Variants in ABCA1 observed in about 807,000 individuals in gnomAD.
ABCA1 encodes phospholipid-transporting ATPase ABCA1.
Under a neutral mutation model 262.5 loss-of-function variants are expected in ABCA1, and 133 were observed. That is an observed-to-expected ratio of 0.51 (90% confidence interval 0.44 to 0.59). ABCA1 has a LOEUF of 0.59. Ranked by LOEUF, ABCA1 falls within the 20% of genes least tolerant of loss-of-function variation. The pLI is 0.00. For missense variants in ABCA1, 2,452 were observed against 2,777.5 expected (o/e 0.88, Z 2.63); for synonymous variants, 1,022 against 1,043.5 (o/e 0.98, Z 0.40).
chr9:104,891,741 G>A (rs562703321), intron 2 of ABCA1, among the ~76,000 whole-genome samples: 50 of 151,346 alleles, frequency 3.3e-4, no homozygotes, highest in Admixed American at 2.6e-3. Flanking sequence ...CAAGGCAGGC[G>A]GATCACCTGA....
At chr9:104,822,427 T>G in intron 19 of ABCA1, 69 bp downstream of exon 19, 1 of 1,593,312 alleles carries the variant, frequency 6.3e-7, no homozygotes, top group Non-Finnish European at 8.6e-7. Flanking sequence ...TTTCCTAAGG[T>G]ATAAATTTCT....
chr9:104,885,451 C>A (rs1025417754), intron 3 of ABCA1, among the ~76,000 whole-genome samples: 2 of 151,392 alleles, frequency 1.3e-5, no homozygotes, highest in Non-Finnish European at 2.9e-5. Context: ...CCTCTGCCAG[C>A]TACAAAGCTC....
rs369299368 is a variant in ABCA1, at chr9:104,821,470, G to A, written c.2865C>T (p.Gly955=). The A allele has an allele frequency of 9.3e-6, 15 of 1,613,982 alleles. No individual in the cohort carries two copies. The African/African-American group carries it at 1.6e-4, about 17-fold the overall frequency. ...TGTCTTTTCCCAGGATGTAGGCGGT[G>A]CCCGAGGTCGGGGGGAACAACCCGG... The part of the protein sequence containing the change: ...ILTGLFPPTS[G]TAYILGKDIR... Residue 955 remains glycine (G), a synonymous_variant, in exon 20 of 50, where the codon GGC becomes GGT. Transcript: ENST00000374736.
At chr9:104,862,402 C>T in intron 5 of ABCA1, among the ~76,000 whole-genome samples, 1 of 94,828 alleles carries the variant, frequency 1.1e-5, no homozygotes, top group Non-Finnish European at 1.9e-5. Context: ...AGCCACCATG[C>T]CCGGTCTTTC....
At chr9:104,796,957 TTA>T (rs767474338) in intron 37 of ABCA1, among the ~76,000 whole-genome samples, 52 of 152,306 alleles carry the variant, frequency 3.4e-4, no homozygotes, top group Non-Finnish European at 6.5e-4. Flanking sequence ...GATAGGACAA[TTA>T]TGAGAATTCA....
chr9:104,800,431 A>C (rs1308202857), intron 35 of ABCA1, 79 bp downstream of exon 35: 33 of 1,386,544 alleles, frequency 2.4e-5, no homozygotes, highest in Non-Finnish European at 2.5e-5. Flanking sequence ...TGCCAACTTT[A>C]CCATGAGTTG....
chr9:104,891,766 G>A (rs1839765285), intron 2 of ABCA1, among the ~76,000 whole-genome samples: 1 of 151,172 alleles, frequency 6.6e-6, no homozygotes, highest in South Asian at 2.1e-4. Flanking sequence ...AGGAGTTTGA[G>A]ACCAGCCTGG....
At chr9:104,892,815 A>C (rs917732121) in intron 2 of ABCA1, among the ~76,000 whole-genome samples, 1 of 152,254 alleles carries the variant, frequency 6.6e-6, no homozygotes, top group African/African-American at 2.4e-5. Flanking sequence ...AACTTAAGAT[A>C]TCAAAAAGCT....
chr9:104,802,123 TTGAG>T lies in ABCA1; in HGVS notation c.4625_4628del (p.Thr1542LysfsTer16). ...TAACTTCTTGACTCGGAGGAAGTGC[TTGAG>T]TATTACTGACACCCAGGGAAAAGCC... On this transcript the variant is annotated frameshift_variant, in exon 34 of 50. Transcript: ENST00000374736. LOFTEE classifies it high-confidence loss of function. 3 of 1,614,212 alleles carry T rather than the reference TTGAG, an allele frequency of 1.9e-6. No homozygotes were observed. Among genetic ancestry groups the T allele is most frequent in the Non-Finnish European group, 2.5e-6 (3 of 1,180,038 alleles).
chr9:104,816,426 A>G, intron 24 of ABCA1, 81 bp from the exon 25 acceptor site: 2 of 1,333,420 alleles, frequency 1.5e-6, no homozygotes, highest in Non-Finnish European at 2.2e-6. Flanking sequence ...CCACCCTCTC[A>G]TCAGAGGCCT....
At chr9:104,795,869 A>C (rs140439348) in intron 39 of ABCA1, among the ~76,000 whole-genome samples, 184 bp downstream of exon 39, 35 of 152,328 alleles carry the variant, frequency 2.3e-4, no homozygotes, top group African/African-American at 8.4e-4. Context: ...TGACCAGCAA[A>C]ATGTAAGGCA....
chr9:104,814,949 C>T (rs1831609764), intron 25 of ABCA1, among the ~76,000 whole-genome samples: 1 of 152,000 alleles, frequency 6.6e-6, no homozygotes, highest in Non-Finnish European at 1.5e-5. Context: ...GAGCCAAAAT[C>T]GCACCACTGC....
Position 104,858,691 on chromosome 9 carries a change from A to C in ABCA1, c.551T>G (p.Leu184Trp), listed in dbSNP as rs141420090. ...RADVILHKVF[L>W]QGYQLHLTSL... ...TGTCAAATGTAACTGGTAGCCTTGC[A>C]AAAATACCTGGAAGCATTTCATGCA... The change falls in exon 7 of 50, where the codon TTG (leucine) becomes TGG (tryptophan). Residue 184 changes from leucine to tryptophan, a missense_variant. Around this residue, in one of 4 missense-constraint regions of ABCA1, gnomAD observed 1,032 missense variants for 1,089.7 expected, o/e 0.95. Transcript: ENST00000374736. The C allele has an allele frequency of 3.5e-5, 56 of 1,614,174 alleles. No individual in the cohort carries two copies. The East Asian group carries it at 1.2e-3, about 36-fold the overall frequency.
At chr9:104,844,334 G>A (rs1455992674) in intron 8 of ABCA1, among the ~76,000 whole-genome samples, 1 of 141,098 alleles carries the variant, frequency 7.1e-6, no homozygotes, top group African/African-American at 2.5e-5. Flanking sequence ...TTCATAACCA[G>A]GGTAACAAAT....
At chr9:104,839,990 G>A (rs952347661) in intron 9 of ABCA1, among the ~76,000 whole-genome samples, 1 of 152,120 alleles carries the variant, frequency 6.6e-6, no homozygotes, top group African/African-American at 2.4e-5. Context: ...GATCACCCTG[G>A]AAGCCACCCT....
At position 104,804,703 on chromosome 9, in the gene ABCA1, T is replaced by C. The variant is rs1250688041; in HGVS notation, c.4482A>G (p.Ala1494=). 8 of 1,614,036 alleles carry C rather than the reference T, an allele frequency of 5.0e-6. No homozygotes were observed. Among genetic ancestry groups the C allele is most frequent in the African/African-American group, 2.7e-5 (2 of 74,944 alleles). Residue 1494 remains alanine (A), a synonymous_variant, in exon 32 of 50, where the codon GCA becomes GCG. Coordinates refer to ENST00000374736, the MANE Select transcript of ABCA1 (RefSeq NM_005502.4). ...TTCCTGTCAGGTCCTGAAGGATATC[T>C]GCAGTGTTTTGTTTTCTCTGTCATC... is the stretch of plus-strand genomic sequence containing the variant. ...LPPPQRKQNT[A]DILQDLTGRN...
At chr9:104,863,709 C>T (rs1836830398) in intron 5 of ABCA1, among the ~76,000 whole-genome samples, 1 of 152,230 alleles carries the variant, frequency 6.6e-6, no homozygotes, top group African/African-American at 2.4e-5. Context: ...TGCTACCCCT[C>T]TATGGCTAGC....
chr9:104,903,832 T>TGAGGACTGCTAATCCAGCCCTC, intron 1 of ABCA1, 61 bp from the exon 2 acceptor site: 1 of 720,722 alleles, frequency 1.4e-6, no homozygotes, highest in African/African-American at 1.7e-5. Context: ...CATACACCAA[T>TGAGGACTGCTAATCCAGCCCTC]GAGGACTGCT....
At chr9:104,796,694 T>C (rs745474358) in intron 37 of ABCA1, among the ~76,000 whole-genome samples, 1 of 152,196 alleles carries the variant, frequency 6.6e-6, no homozygotes, top group Non-Finnish European at 1.5e-5. Context: ...TACTGAACGA[T>C]GGATTCCCAG....
Sources: allele counts gnomAD v4.1 joint callset (sites outside exome capture counted in the v4.1 genomes callset), GRCh38; gene constraint gnomAD v4.1.1; regional missense constraint gnomAD v4.1.1; transcripts MANE v1.5; gene names NCBI Gene and HGNC (gene_info 2026-07-23, HGNC 2026-07-21).